ANK1: variants seen among roughly 807,000 people sequenced by gnomAD.
The protein encoded by ANK1 is ankyrin 1, also known as ankyrin-1.
Under a neutral mutation model 210.4 loss-of-function variants are expected in ANK1, and 51 were observed. That is an observed-to-expected ratio of 0.24 (90% CI 0.19 to 0.31). ANK1 has a LOEUF of 0.31. Among genes scored for constraint, ANK1 ranks in the 10% least tolerant of loss-of-function variants. The pLI, the probability that ANK1 is intolerant of heterozygous loss-of-function variation, is 1.00. For synonymous variants in ANK1, 967 were observed against 1,025.9 expected (o/e 0.94, Z 1.10); for missense variants, 2,051 against 2,504.4 (o/e 0.82, Z 3.86).
chr8:41,663,993 C>A (rs762299698), intron 39 of ANK1: 2 of 621,234 alleles, frequency 3.2e-6, no homozygotes, highest in Non-Finnish European at 6.0e-6. Flanking sequence ...CCTCACAACA[C>A]CCCCTGGGAA....
chr8:41,811,479 G>A (rs759045151), intron 1 of ANK1, among the ~76,000 whole-genome samples: 1 of 152,276 alleles, frequency 6.6e-6, no homozygotes, highest in Non-Finnish European at 1.5e-5. Flanking sequence ...CCATTGCCCC[G>A]CGACTCCCAC....
intron 1 of ANK1, among the ~76,000 whole-genome samples, chr8:41,808,594 G>A (rs1851310370): frequency 6.6e-6 from 1 of 152,088 alleles, no homozygotes; most frequent in South Asian, 2.1e-4. Flanking sequence ...GAACCCAGGA[G>A]GCGGAGGTTG....
intron 1 of ANK1, among the ~76,000 whole-genome samples, chr8:41,851,498 G>A (rs946123666): frequency 6.6e-6 from 1 of 152,236 alleles, no homozygotes; most frequent in Admixed American, 6.5e-5. Flanking sequence ...TGCCTGCTGG[G>A]CCTCACTTCC....
At chr8:41,880,497 G>A (rs1299694496) in intron 1 of ANK1, among the ~76,000 whole-genome samples, 4 of 152,200 alleles carry the variant, frequency 2.6e-5, no homozygotes, top group Non-Finnish European at 5.9e-5. Flanking sequence ...CTCACCCCAG[G>A]TCTCAGTTTC....
In ANK1 at chr8:41,672,588, A is replaced by G. The variant is rs763021600; in HGVS notation, c.4862T>C (p.Val1621Ala). 3 of 1,614,216 alleles carry G rather than the reference A, an allele frequency of 1.9e-6. No homozygotes were observed. The highest frequency in any genetic ancestry group is 8.5e-7 in the Non-Finnish European group (1 of 1,180,034). ...ATCTGAATCCACTGTGTCGTCCTCC[A>G]CAAGTTCCAGAGAGCCCAACTCGGG... Reference protein sequence around the residue: ...RGPELGSLELVEDDTVDSDAT... With the variant: ...RGPELGSLELAEDDTVDSDAT... The change falls in exon 38 of 43, where the codon GTG (valine) becomes GCG (alanine). Residue 1621 changes from valine (V) to alanine (A), a missense_variant. Around this residue, in one of 6 missense-constraint regions of ANK1, gnomAD observed 496 missense variants for 533.4 expected, o/e 0.93. Transcript: ENST00000289734.
At position 41,684,972 on chromosome 8, in the gene ANK1, C is replaced by T. The variant is rs527608660; in HGVS notation, c.4391-282G>A. On this transcript the variant is annotated intron_variant, in intron 36 of 42. Coordinates refer to ENST00000289734, the MANE Select transcript of ANK1 (RefSeq NM_000037.4). ...ATTTTATTTATTGGTCTCACTCTGTCACCCAGGCTGGAGTGCAATGGGGCA... is the reference window on the plus strand; with the variant it reads ...ATTTTATTTATTGGTCTCACTCTGTTACCCAGGCTGGAGTGCAATGGGGCA... 6.8e-4 allele frequency among the ~76,000 whole-genome samples: 104 copies of T among 152,342 alleles called. 1 individual carries two copies. The highest frequency in any genetic ancestry group is 2.4e-3 in the African/African-American group (100 of 41,584).
intron 2 of ANK1, among the ~76,000 whole-genome samples, chr8:41,734,393 AT>A (rs1253056560): frequency 6.6e-6 from 1 of 152,268 alleles, no homozygotes. Flanking sequence ...AGCCCACTTA[AT>A]TAAAATGATG....
chr8:41,744,276 A>G (rs1355388197), intron 2 of ANK1, among the ~76,000 whole-genome samples: 1 of 152,240 alleles, frequency 6.6e-6, no homozygotes, highest in Admixed American at 6.5e-5. Context: ...GTAGAACGCC[A>G]GCTAAAAAAT....
At position 41,692,825 on chromosome 8, in the gene ANK1, G is replaced by T; in HGVS notation, c.3681C>A (p.Thr1227=). Residue 1227 remains threonine (T), a synonymous_variant, in exon 31 of 43, where the codon ACC becomes ACA. Transcript: ENST00000289734. ...PRTAEAVNFA[T]LLYKELTAVP... Reference sequence around the variant, plus strand: ...CTGCAGTGAGCTCTTTGTACAGCAGGGTGGCAAAGTTCACAGCCTCAGCAG... The same window carrying T: ...CTGCAGTGAGCTCTTTGTACAGCAGTGTGGCAAAGTTCACAGCCTCAGCAG... 6.2e-7 allele frequency: 1 copy of T among 1,614,066 alleles called. No individual in the cohort carries two copies. Among genetic ancestry groups the T allele is most frequent in the Non-Finnish European group, 8.5e-7 (1 of 1,180,008 alleles).
chr8:41,837,058 T>G (rs1433236248), intron 1 of ANK1, among the ~76,000 whole-genome samples: 1 of 152,130 alleles, frequency 6.6e-6, no homozygotes, highest in Non-Finnish European at 1.5e-5. Flanking sequence ...TTAAATGAGA[T>G]AAAACCAGCA....
chr8:41,695,073 G>A, intron 27 of ANK1, 104 bp downstream of exon 27: 1 of 1,490,818 alleles, frequency 6.7e-7, no homozygotes. Context: ...CAGCCTCTTG[G>A]GGCTTCCCAA....
intron 24 of ANK1, 43 bp from the exon 25 acceptor site, chr8:41,696,816 G>A (rs769746561): frequency 6.4e-6 from 10 of 1,555,746 alleles, no homozygotes; most frequent in African/African-American, 1.4e-5. Flanking sequence ...CTCCTCCCGG[G>A]CCAGCTGGAT....
chr8:41,683,812 G>A (rs1286181137), intron 37 of ANK1, among the ~76,000 whole-genome samples: 1 of 152,190 alleles, frequency 6.6e-6, no homozygotes, highest in Non-Finnish European at 1.5e-5. Context: ...GGGCGAGGAA[G>A]GTGTTGCGAG....
rs563063856 is a variant in ANK1 at position 41,683,257 on chromosome 8, G to A, written c.4537+1287C>T. Among the ~76,000 whole-genome samples the A allele has an allele frequency of 4.6e-5, 7 of 152,218 alleles. No homozygotes were observed. In the South Asian group the frequency reaches 1.2e-3, roughly 27 times the overall value. On this transcript the variant is annotated intron_variant, in intron 37 of 42. Coordinates refer to ENST00000289734, the MANE Select transcript of ANK1 (RefSeq NM_000037.4). The stretch of plus-strand genomic sequence containing the variant: ...TGGAGACAGTGGAGACAGGCAGCAC[G>A]ATAGCGTGAGTGCACAGAGGTCAAG...
At chr8:41,791,113 C>G (rs1015799554) in intron 1 of ANK1, among the ~76,000 whole-genome samples, 9 of 152,014 alleles carry the variant, frequency 5.9e-5, no homozygotes, top group African/African-American at 2.2e-4. Flanking sequence ...TCATCACCCT[C>G]CATCAATGGC....
chr8:41,717,390 A>G (rs1827988286), intron 12 of ANK1, among the ~76,000 whole-genome samples: 1 of 152,252 alleles, frequency 6.6e-6, no homozygotes, highest in African/African-American at 2.4e-5. Flanking sequence ...TTCCAAAATT[A>G]TTGTCCAAAA....
rs752391798 is a variant in ANK1 at position 41,719,814 on chromosome 8, G to A, written c.954C>T (p.Leu318=). ...PIHMAAQGDH[L]DCVRLLLQYD... is the part of the protein sequence containing the mutation. ...ATTGCAACAGGAGCCGGACACAGTCGAGGTGGTCTCCCTGAGCCGCCATGT... is the reference window on the plus strand; with the variant it reads ...ATTGCAACAGGAGCCGGACACAGTCAAGGTGGTCTCCCTGAGCCGCCATGT... The change falls in exon 10 of 43, where the codon CTC becomes CTT. Residue 318 remains leucine, a synonymous_variant. Transcript: ENST00000289734. 1.1e-5 allele frequency: 18 copies of A among 1,614,110 alleles called. No individual in the cohort carries two copies. Among genetic ancestry groups the A allele is most frequent in the African/African-American group, 4.0e-5 (3 of 74,932 alleles).
At chr8:41,815,955 CTA>C (rs1338717612) in intron 1 of ANK1, among the ~76,000 whole-genome samples, 1 of 152,130 alleles carries the variant, frequency 6.6e-6, no homozygotes, top group Non-Finnish European at 1.5e-5. Context: ...TGGAAATAAA[CTA>C]GACATTCGAT....
chr8:41,867,356 C>T (rs1056429438), intron 1 of ANK1, among the ~76,000 whole-genome samples: 1 of 152,120 alleles, frequency 6.6e-6, no homozygotes, highest in Non-Finnish European at 1.5e-5. Context: ...CACTCATGAG[C>T]CAAAGATGCT....
Sources: allele counts gnomAD v4.1 joint callset (sites outside exome capture counted in the v4.1 genomes callset), GRCh38; gene constraint gnomAD v4.1.1; regional missense constraint gnomAD v4.1.1; transcripts MANE v1.5; gene names NCBI Gene and HGNC (gene_info 2026-07-23, HGNC 2026-07-21).